The following LMX1B variants were observed in gnomAD, a reference collection of about 807,000 sequenced individuals.
The protein encoded by LMX1B is LIM homeobox transcription factor 1 beta.
Under a neutral mutation model 51.4 loss-of-function variants are expected in LMX1B, and 12 were observed. The ratio of observed to expected loss-of-function variants is 0.23; its 90% CI spans 0.15 to 0.38. LMX1B has a LOEUF of 0.38. Ranked by LOEUF, LMX1B falls within the 10% of genes least tolerant of loss-of-function variation. The pLI, the probability that LMX1B is intolerant of heterozygous loss-of-function variation, is 1.00. For synonymous variants in LMX1B, 237 were observed against 235.4 expected (o/e 1.01, Z -0.06); for missense variants, 445 against 571.1 (o/e 0.78, Z 2.25).
Position 126,615,429 on chromosome 9 carries a change from C to T in LMX1B, c.186C>T (p.Pro62=), listed in dbSNP as rs757937784. ...HPAVCEGCQR[P]ISDRFLMRVN... ...CCGTCTGCGAGGGCTGCCAGCGGCCCATCTCCGACCGCTTCCTGATGCGAG... is the reference window on the plus strand; with the variant it reads ...CCGTCTGCGAGGGCTGCCAGCGGCCTATCTCCGACCGCTTCCTGATGCGAG... Residue 62 remains proline, a synonymous_variant, in exon 2 of 8, where the codon CCC becomes CCT. Coordinates refer to ENST00000373474, the MANE Select transcript of LMX1B (RefSeq NM_001174147.2). This position sits in a 1 kb window ranked among gnomAD's most constrained non-coding sequence, Gnocchi z 6.0. The T allele has an allele frequency of 2.5e-6, 4 of 1,608,710 alleles. No homozygotes were observed. The Admixed American group carries it at 5.0e-5, about 20-fold the overall frequency.
intron 2 of LMX1B, among the ~76,000 whole-genome samples, chr9:126,653,896 G>C (rs1315874319): frequency 6.6e-6 from 1 of 152,070 alleles, no homozygotes; most frequent in Non-Finnish European, 1.5e-5. Context: ...CCTGCATCAG[G>C]CCAATGGTTG....
At chr9:126,687,404 A>G (rs1459706217) in intron 2 of LMX1B, among the ~76,000 whole-genome samples, 1 of 151,798 alleles carries the variant, frequency 6.6e-6, no homozygotes, top group Non-Finnish European at 1.5e-5. Flanking sequence ...AATTTTTTGT[A>G]TTTTTAGTAG....
chr9:126,654,803 A>T (rs1588283232), intron 2 of LMX1B, among the ~76,000 whole-genome samples: 1 of 152,132 alleles, frequency 6.6e-6, no homozygotes, highest in South Asian at 2.1e-4. Context: ...GGTATCTCTC[A>T]TCTTTACTCC....
In LMX1B at chr9:126,615,496, G is replaced by A. The variant is rs1289892661; in HGVS notation, c.253G>A (p.Ala85Thr). 1 of 1,611,930 alleles carries A rather than the reference G, an allele frequency of 6.2e-7. No individual in the cohort carries two copies. The highest frequency in any genetic ancestry group is 8.5e-7 in the Non-Finnish European group (1 of 1,178,878). ...SWHEECLQCA[A>T]CQQALTTSCY... ...GCACGAGGAGTGTTTGCAGTGCGCGGCGTGTCAGCAAGCCCTCACCACCAG... is the reference window on the plus strand; with the variant it reads ...GCACGAGGAGTGTTTGCAGTGCGCGACGTGTCAGCAAGCCCTCACCACCAG... Residue 85 changes from alanine to threonine, a missense_variant, in exon 2 of 8, where the codon GCG becomes ACG. By Grantham distance (58) the Ala-to-Thr change is moderately conservative. Transcript: ENST00000373474. This position sits in a 1 kb window ranked among gnomAD's most constrained non-coding sequence, Gnocchi z 6.0.
intron 2 of LMX1B, among the ~76,000 whole-genome samples, chr9:126,652,231 G>A (rs79111028): frequency 0.12 from 18,337 of 149,544 alleles, 1,445 homozygotes; most frequent in Middle Eastern, 0.24. Flanking sequence ...GAGGGGGCGC[G>A]GCAGGAGGGG....
chr9:126,656,308 G>A (rs555148828), intron 2 of LMX1B, among the ~76,000 whole-genome samples: 10 of 152,222 alleles, frequency 6.6e-5, no homozygotes, highest in East Asian at 1.9e-4. Flanking sequence ...CCAGCACTTC[G>A]AGAGGCCAAG....
At chr9:126,646,707 C>T (rs1454798224) in intron 2 of LMX1B, among the ~76,000 whole-genome samples, 1 of 152,218 alleles carries the variant, frequency 6.6e-6, no homozygotes, top group African/African-American at 2.4e-5. Flanking sequence ...TTCCCAGAAC[C>T]AGACTCTTGG....
chr9:126,662,716 C>T lies in LMX1B; in HGVS notation c.327-28120C>T, dbSNP rs567722337. 2.0e-5 allele frequency among the ~76,000 whole-genome samples: 3 copies of T among 152,340 alleles called. No homozygotes were observed. The East Asian group carries it at 5.8e-4, about 29-fold the overall frequency. ...CAGGCCCCAAGCTGGGCACAGAGGG[C>T]CCATTGTTGCTGGGCTCAGCCAGGC... On this transcript the variant is annotated intron_variant, in intron 2 of 7. Coordinates refer to ENST00000373474, the MANE Select transcript of LMX1B (RefSeq NM_001174147.2).
intron 2 of LMX1B, among the ~76,000 whole-genome samples, chr9:126,624,666 G>T (rs116824835): frequency 3.1e-4 from 45 of 146,384 alleles, no homozygotes; most frequent in African/African-American, 1.0e-3. Flanking sequence ...TTTTTATCTT[G>T]TTTTTTTTTT....
intron 2 of LMX1B, among the ~76,000 whole-genome samples, chr9:126,661,587 T>C (rs1836247289): frequency 6.6e-6 from 1 of 152,016 alleles, no homozygotes; most frequent in Non-Finnish European, 1.5e-5. Context: ...GGGAGGCCCC[T>C]CCCTCCTGCC....
chr9:126,683,146 C>T (rs563534554), intron 2 of LMX1B, among the ~76,000 whole-genome samples: 29 of 151,062 alleles, frequency 1.9e-4, no homozygotes, highest in Non-Finnish European at 3.7e-4. Context: ...GGGCAGCCCT[C>T]GCTGCAGGCC....
In LMX1B at chr9:126,625,192, G is replaced by C. The variant is rs1167557128; in HGVS notation, c.326+9623G>C. ...CTTCCGAGGACGGCGGGAAGAGGGG[G>C]CTCCGGCCCTGTAGCCCCCTGACGC... On this transcript the variant is annotated intron_variant, in intron 2 of 7. Coordinates refer to ENST00000373474, the MANE Select transcript of LMX1B (RefSeq NM_001174147.2). The surrounding 1 kb of genome is among the most constrained non-coding windows in gnomAD (Gnocchi z 5.3). Among the ~76,000 whole-genome samples the C allele has an allele frequency of 6.6e-6, 1 of 152,240 alleles. No individual in the cohort carries two copies. The highest frequency in any genetic ancestry group is 6.5e-5 in the Admixed American group (1 of 15,292).
At chr9:126,617,800 G>C (rs1835331148) in intron 2 of LMX1B, among the ~76,000 whole-genome samples, 1 of 151,740 alleles carries the variant, frequency 6.6e-6, no homozygotes, top group South Asian at 2.1e-4. Context: ...CCTGGGGTGG[G>C]GAGTGCATTA....
intron 2 of LMX1B, among the ~76,000 whole-genome samples, chr9:126,617,102 G>T (rs758819289): frequency 1.3e-4 from 20 of 152,222 alleles, no homozygotes; most frequent in Admixed American, 1.1e-3. Context: ...ACGCCAGTCC[G>T]TTCAGTCACA....
intron 2 of LMX1B, among the ~76,000 whole-genome samples, chr9:126,635,877 C>T (rs979466489): frequency 1.3e-5 from 2 of 152,214 alleles, no homozygotes; most frequent in African/African-American, 4.8e-5. Context: ...CTTAACTGAA[C>T]ACTTGCAGGC....
chr9:126,645,998 C>T (rs1426497223), intron 2 of LMX1B, among the ~76,000 whole-genome samples: 3 of 152,114 alleles, frequency 2.0e-5, no homozygotes, highest in African/African-American at 7.2e-5. Flanking sequence ...ATATCTGCCA[C>T]CTAGTAGGCA....
At chr9:126,640,121 G>A (rs139725795) in intron 2 of LMX1B, among the ~76,000 whole-genome samples, 47 of 152,340 alleles carry the variant, frequency 3.1e-4, no homozygotes, top group African/African-American at 9.6e-4. Context: ...AGAACACCCC[G>A]TTGTATATAT....
intron 2 of LMX1B, among the ~76,000 whole-genome samples, chr9:126,646,978 T>C (rs1835914353): frequency 6.6e-6 from 1 of 152,192 alleles, no homozygotes; most frequent in Non-Finnish European, 1.5e-5. Flanking sequence ...CACATTTTGC[T>C]TTGGTGGATC....
intron 3 of LMX1B, 38 bp downstream of exon 3, chr9:126,691,106 CG>C: frequency 6.5e-7 from 1 of 1,534,774 alleles, no homozygotes; most frequent in Non-Finnish European, 8.9e-7. Context: ...GCCTCAGGGA[CG>C]GGGGTTGCTG....
Sources: gnomAD v4.1 joint callset for allele counts (sites outside exome capture counted in the v4.1 genomes callset) on GRCh38, gnomAD v4.1.1 for gene constraint, Gnocchi (gnomAD v3.1) non-coding constraint, MANE v1.5 for transcripts, NCBI Gene and HGNC (gene_info 2026-07-23, HGNC 2026-07-21) for gene names.